TSPAN1: variants seen among roughly 807,000 people sequenced by gnomAD.
TSPAN1 encodes tetraspanin-1.
A neutral mutation model predicts 26.9 loss-of-function variants in TSPAN1; 23 were observed. The ratio of observed to expected loss-of-function variants is 0.85; its 90% CI spans 0.62 to 1.21. TSPAN1 has a LOEUF of 1.21. Ranked by LOEUF, TSPAN1 falls within the 50% of genes most tolerant of loss-of-function variation. The probability of loss-of-function intolerance (pLI) is 0.00; values close to 1 mark genes in which losing one functional copy is unlikely to be tolerated. For missense variants in TSPAN1, 283 were observed against 298.4 expected (o/e 0.95, Z 0.38); for synonymous variants, 115 against 114.8 (o/e 1.00, Z -0.01).
the TSPAN1 span, chr1:46,192,171 T>A: frequency 6.2e-7 from 1 of 1,614,116 alleles, no homozygotes; most frequent in Non-Finnish European, 8.5e-7. Flanking sequence ...GATGATGCAC[T>A]CTCGGCCCCG....
rs767148620 is a variant in TSPAN1, at chr1:46,184,692, G to A, written c.339+24G>A. On this transcript the variant is annotated intron_variant, in intron 5 of 8. Coordinates refer to ENST00000372003, the MANE Select transcript of TSPAN1 (RefSeq NM_005727.4). ...TGGTGAGACACTGGGATGGAGGAAG[G>A]GAAGAAGATTGGGCAAAACCCTGGG... 7.4e-6 allele frequency: 12 copies of A among 1,614,092 alleles called. No homozygotes were observed. In the South Asian group the frequency reaches 8.8e-5, roughly 12 times the overall value.
intron 3 of TSPAN1, among the ~76,000 whole-genome samples, chr1:46,182,320 C>CA (rs1339178648): frequency 1.2e-4 from 1 of 8,086 alleles, no homozygotes. Flanking sequence ...AAAAAAAAGC[C>CA]ACTGTGAAGG....
At chr1:46,182,730 TAG>T (rs1000624006) in intron 3 of TSPAN1, among the ~76,000 whole-genome samples, 1 of 152,132 alleles carries the variant, frequency 6.6e-6, no homozygotes, top group African/African-American at 2.4e-5. Flanking sequence ...GAAGCGTGGG[TAG>T]ACTCTCTAGT....
Position 46,184,400 on chromosome 1 carries a change from G to A in TSPAN1, c.264+3G>A, listed in dbSNP as rs762601027. 18 of 1,614,044 alleles carry A rather than the reference G, an allele frequency of 1.1e-5. No individual in the cohort carries two copies. The East Asian group carries it at 4.0e-4, about 36-fold the overall frequency. ...AGAGCAAGTGTGCCCTCGTGACGGT[G>A]TGTGAAACCCAGCTCCACAGGCTGA... On this transcript the variant is annotated splice_donor_region_variant and intron_variant, in intron 4 of 8. Coordinates refer to ENST00000372003, the MANE Select transcript of TSPAN1 (RefSeq NM_005727.4).
chr1:46,178,187 T>A (rs906828144), intron 1 of TSPAN1, among the ~76,000 whole-genome samples: 1 of 151,962 alleles, frequency 6.6e-6, no homozygotes, highest in Non-Finnish European at 1.5e-5. Flanking sequence ...TGAAACCCTG[T>A]CTCTACTAAA....
chr1:46,193,939 A>C, the TSPAN1 span: 2 of 1,613,848 alleles, frequency 1.2e-6, no homozygotes, highest in Non-Finnish European at 1.7e-6. Flanking sequence ...TGGGAGAAAT[A>C]GCGTTTAGCT....
downstream of TSPAN1, among the ~76,000 whole-genome samples, chr1:46,186,127 C>T (rs1438134990): frequency 3.3e-5 from 5 of 152,074 alleles, no homozygotes; most frequent in African/African-American, 1.2e-4. Flanking sequence ...TGGAGGGAAA[C>T]TAAGAGGGAT....
chr1:46,191,421 G>T, the TSPAN1 span: 1 of 181,798 alleles, frequency 5.5e-6, no homozygotes, highest in Non-Finnish European at 1.2e-5. Flanking sequence ...ATAGGCTCCA[G>T]CACTTGCCAA....
At chr1:46,179,129 C>A (rs1372190644) in intron 1 of TSPAN1, among the ~76,000 whole-genome samples, 1 of 151,714 alleles carries the variant, frequency 6.6e-6, no homozygotes, top group Non-Finnish European at 1.5e-5. Flanking sequence ...TCAAGACCAG[C>A]CTGGATAGCA....
chr1:46,194,644 G>A, the TSPAN1 span: 1 of 1,614,256 alleles, frequency 6.2e-7, no homozygotes, highest in Admixed American at 1.7e-5. Flanking sequence ...TCTCCCCGAA[G>A]ACAGGACCTG....
chr1:46,180,997 G>C lies in TSPAN1; in HGVS notation c.-8-103G>C. ...AGAAGCTTGGTGAGATATGGGTTCA[G>C]GATCCTGGGGTCTGGCATATCTGGC... On this transcript the variant is annotated intron_variant, in intron 2 of 8. Coordinates refer to ENST00000372003, the MANE Select transcript of TSPAN1 (RefSeq NM_005727.4). The C allele has an allele frequency of 3.1e-6, 3 of 956,204 alleles. No homozygotes were observed. In the South Asian group the frequency reaches 4.3e-5, roughly 14 times the overall value. 59.2% of individuals were successfully genotyped at this position (956,204 alleles called of 1,614,324 possible).
chr1:46,188,259 G>A (rs1657483565), downstream of TSPAN1, among the ~76,000 whole-genome samples: 1 of 152,188 alleles, frequency 6.6e-6, no homozygotes, highest in African/African-American at 2.4e-5. Context: ...TCTCTTGAAT[G>A]ATGCCTGCCC....
downstream of TSPAN1, chr1:46,188,892 A>T (rs779337491): frequency 4.3e-6 from 7 of 1,612,706 alleles, no homozygotes; most frequent in Non-Finnish European, 5.9e-6. Flanking sequence ...GCAGCATTCC[A>T]GCCCAAAAAG....
At chr1:46,178,574 C>T (rs1013037576) in intron 1 of TSPAN1, among the ~76,000 whole-genome samples, 3 of 152,078 alleles carry the variant, frequency 2.0e-5, no homozygotes, top group Admixed American at 6.5e-5. Context: ...TAAAATATGA[C>T]CTTGCTTCCA....
downstream of TSPAN1, chr1:46,190,777 T>C (rs746482070): frequency 1.2e-6 from 2 of 1,613,212 alleles, no homozygotes; most frequent in East Asian, 2.2e-5. Context: ...CTTCTTGAAG[T>C]AGGCCTCCTG....
the TSPAN1 span, chr1:46,193,081 C>T: frequency 2.5e-6 from 4 of 1,604,638 alleles, no homozygotes; most frequent in Non-Finnish European, 2.6e-6. Flanking sequence ...GGATGAGGCC[C>T]AGTGAGGGGA....
intron 1 of TSPAN1, chr1:46,176,090 TG>T: frequency 1.1e-6 from 1 of 895,304 alleles, no homozygotes; most frequent in Non-Finnish European, 1.7e-6. Context: ...TTAGCCAGGA[TG>T]GTCTCGATCT....
At chr1:46,193,575 C>T in the TSPAN1 span, 6 of 1,614,174 alleles carry the variant, frequency 3.7e-6, no homozygotes, top group Middle Eastern at 1.6e-4. Context: ...TCATAGTAGC[C>T]GTCAATGAAA....
chr1:46,184,911 G>A, intron 6 of TSPAN1, 28 bp downstream of exon 6: 2 of 1,614,136 alleles, frequency 1.2e-6, no homozygotes, highest in African/African-American at 1.3e-5. Flanking sequence ...AGGTTTTAGG[G>A]TGGAGAGAAA....
Sources: gnomAD v4.1 joint callset for allele counts (sites outside exome capture counted in the v4.1 genomes callset) on GRCh38, gnomAD v4.1.1 for gene constraint, MANE v1.5 for transcripts, NCBI Gene and HGNC (gene_info 2026-07-23, HGNC 2026-07-21) for gene names.